Variants in KCNK2 observed in about 807,000 individuals in gnomAD.
KCNK2 encodes potassium channel subfamily K member 2.
A neutral mutation model predicts 40.5 loss-of-function variants in KCNK2; 21 were observed. The observed-to-expected ratio is 0.52, with a 90% CI of 0.37 to 0.75. KCNK2 has a LOEUF of 0.75. KCNK2 is among the 30% of genes least tolerant of loss of function. KCNK2 has a pLI of 0.00. For synonymous variants in KCNK2, 191 were observed against 202.2 expected (o/e 0.94, Z 0.47); for missense variants, 399 against 531.6 (o/e 0.75, Z 2.45).
At chr1:215,210,413 G>A (rs1665690514) in intron 6 of KCNK2, among the ~76,000 whole-genome samples, 1 of 151,960 alleles carries the variant, frequency 6.6e-6, no homozygotes, top group South Asian at 2.1e-4. Flanking sequence ...ATGAAGTGCA[G>A]TATGCAAACT....
intron 1 of KCNK2, among the ~76,000 whole-genome samples, chr1:215,020,895 A>G (rs1656764659): frequency 6.6e-6 from 1 of 152,226 alleles, no homozygotes. Context: ...TGTCATACAT[A>G]GGATATCACC....
At chr1:215,209,978 TA>T (rs1164198674) in intron 6 of KCNK2, among the ~76,000 whole-genome samples, 185 of 4,094 alleles carry the variant, frequency 0.045, 2 homozygotes, top group African/African-American at 0.063. Flanking sequence ...ATATTATATA[TA>T]TTATATATAA....
At chr1:215,077,934 G>A (rs2102520283), upstream of KCNK2, among the ~76,000 whole-genome samples, 1 of 152,222 alleles carries the variant, frequency 6.6e-6, no homozygotes, top group Admixed American at 6.5e-5. Flanking sequence ...GTAAATATCT[G>A]ATGAATGTGA....
intron 3 of KCNK2, among the ~76,000 whole-genome samples, chr1:215,126,443 A>G (rs1015328246): frequency 1.1e-4 from 17 of 152,164 alleles, no homozygotes; most frequent in African/African-American, 4.1e-4. Context: ...GGCCATTTCT[A>G]CTATGGAAAT....
chr1:215,130,201 C>G lies in KCNK2; in HGVS notation c.475+5451C>G, dbSNP rs150378649. Among the ~76,000 whole-genome samples the G allele has an allele frequency of 9.2e-5, 14 of 152,236 alleles. No individual in the cohort carries two copies. The South Asian group carries it at 2.7e-3, about 29-fold the overall frequency. On this transcript the variant is annotated intron_variant, in intron 3 of 6. Coordinates refer to ENST00000444842, the MANE Select transcript of KCNK2 (RefSeq NM_001017425.3). Reference sequence around the variant, plus strand: ...AATCACCAATGGCCAATTATTTAATCGTCAGGCCTACTTCATGAAAGCTCC... The same window carrying G: ...AATCACCAATGGCCAATTATTTAATGGTCAGGCCTACTTCATGAAAGCTCC...
intron 1 of KCNK2, among the ~76,000 whole-genome samples, chr1:215,066,230 G>A (rs1296110644): frequency 2.6e-5 from 4 of 152,068 alleles, no homozygotes; most frequent in Non-Finnish European, 4.4e-5. Context: ...AAACCTGCAT[G>A]TTCTGCACAT....
At chr1:215,175,488 T>G (rs1483614817) in intron 5 of KCNK2, among the ~76,000 whole-genome samples, 2 of 152,200 alleles carry the variant, frequency 1.3e-5, no homozygotes, top group Non-Finnish European at 2.9e-5. Flanking sequence ...TTTGATTTTT[T>G]TCTTAAATAA....
chr1:215,157,312 G>A (rs538810644), intron 3 of KCNK2, among the ~76,000 whole-genome samples: 11 of 152,178 alleles, frequency 7.2e-5, no homozygotes, highest in Non-Finnish European at 1.6e-4. Flanking sequence ...TGACCTAGCA[G>A]TTTTCTGACA....
chr1:215,101,402 G>T (rs1375721378), intron 2 of KCNK2, among the ~76,000 whole-genome samples: 2 of 151,980 alleles, frequency 1.3e-5, no homozygotes, highest in South Asian at 2.1e-4. Context: ...GTCAAATAAA[G>T]GTTTTTTGGG....
At chr1:215,031,033 C>T (rs753081455) in intron 1 of KCNK2, among the ~76,000 whole-genome samples, 9 of 152,042 alleles carry the variant, frequency 5.9e-5, no homozygotes, top group Non-Finnish European at 8.8e-5. Context: ...TTTGCTTCAT[C>T]GTCGAAGAAC....
chr1:215,077,679 ACT>A (rs1191500593), intron 1 of KCNK2, among the ~76,000 whole-genome samples: 4 of 151,050 alleles, frequency 2.6e-5, no homozygotes, highest in African/African-American at 9.7e-5. Context: ...ACCAAGCCTC[ACT>A]CTCTGAGCTT....
At chr1:215,087,256 C>A (rs1041459301) in intron 2 of KCNK2, among the ~76,000 whole-genome samples, 1 of 152,192 alleles carries the variant, frequency 6.6e-6, no homozygotes, top group African/African-American at 2.4e-5. Flanking sequence ...TTGATGACTA[C>A]CTTTTTAAAG....
chr1:215,149,153 T>C (rs575637643), intron 3 of KCNK2, among the ~76,000 whole-genome samples: 1 of 152,086 alleles, frequency 6.6e-6, no homozygotes, highest in Non-Finnish European at 1.5e-5. Context: ...AGACAGGCTG[T>C]TTTAATGCTT....
rs1038699036 is a variant in KCNK2, at chr1:215,141,678, A to G, written c.475+16928A>G. ...CTGGGTATAAAATTCTGGGATCACA[A>G]CTTTTCCTACCACAACTCTATAAAT... is the stretch of plus-strand genomic sequence containing the variant. On this transcript the variant is annotated intron_variant, in intron 3 of 6. Coordinates refer to ENST00000444842, the MANE Select transcript of KCNK2 (RefSeq NM_001017425.3). 3.9e-5 allele frequency among the ~76,000 whole-genome samples: 6 copies of G among 152,234 alleles called. No homozygotes were observed. The East Asian group carries it at 5.8e-4, about 15-fold the overall frequency.
At chr1:215,113,994 A>C (rs1053824311) in intron 2 of KCNK2, among the ~76,000 whole-genome samples, 1 of 152,102 alleles carries the variant, frequency 6.6e-6, no homozygotes. Context: ...TTTCCCCTTC[A>C]TGCCTCTTCT....
intron 6 of KCNK2, among the ~76,000 whole-genome samples, chr1:215,223,109 A>T (rs879905139): frequency 6.6e-6 from 1 of 152,064 alleles, no homozygotes; most frequent in African/African-American, 2.4e-5. Flanking sequence ...TGGTGAAGAA[A>T]ATTTCCAAAT....
intron 6 of KCNK2, among the ~76,000 whole-genome samples, chr1:215,205,876 A>T (rs1665297177): frequency 6.6e-6 from 1 of 152,222 alleles, no homozygotes. Flanking sequence ...GGAAAGAGTT[A>T]AAATAATAAT....
At chr1:215,211,286 G>A (rs529850230) in intron 6 of KCNK2, among the ~76,000 whole-genome samples, 14 of 152,080 alleles carry the variant, frequency 9.2e-5, no homozygotes, top group African/African-American at 3.4e-4. Flanking sequence ...GAACACTCTT[G>A]TCCTGCTGCC....
chr1:215,093,095 A>T (rs960271565), intron 2 of KCNK2, among the ~76,000 whole-genome samples: 2 of 152,054 alleles, frequency 1.3e-5, no homozygotes, highest in African/African-American at 4.8e-5. Context: ...GCTATTTAAA[A>T]TCAAGACGCT....
Sources: gnomAD v4.1 joint callset for allele counts (sites outside exome capture counted in the v4.1 genomes callset) on GRCh38, gnomAD v4.1.1 for gene constraint, MANE v1.5 for transcripts, NCBI Gene and HGNC (gene_info 2026-07-23, HGNC 2026-07-21) for gene names.